The following ZNF735 variants were observed in gnomAD, a reference collection of about 807,000 sequenced individuals.
ZNF735 encodes the protein zinc finger protein 735, also known as putative zinc finger protein 735.
ZNF735 carries 11 observed loss-of-function variants against 13.4 expected under a neutral mutation model. That is an observed-to-expected ratio of 0.82 (90% CI 0.52 to 1.36). ZNF735 has a LOEUF of 1.36. Ranked by LOEUF, ZNF735 falls within the 40% of genes most tolerant of loss-of-function variation. ZNF735 has a pLI of 0.00. For synonymous variants in ZNF735, 171 were observed against 162.6 expected, an observed-to-expected ratio of 1.05 and a Z score of -0.39; for missense variants, 500 against 484.6, an observed-to-expected ratio of 1.03 and a Z score of -0.30.
At chr7:64,214,030 C>T (rs534858210) in exon 3 of ZNF735, 2 of 1,598,802 alleles carry the variant, frequency 1.3e-6, no homozygotes, top group East Asian at 2.2e-5. Flanking sequence ...TGTCTCTAAG[C>T]CAGACTTGAT....
At chr7:64,214,309 T>C (rs4718037) in intron 3 of ZNF735, among the ~76,000 whole-genome samples, 1 of 151,976 alleles carries the variant, frequency 6.6e-6, no homozygotes. Context: ...TTAAATTCTC[T>C]AAGGATTCTA....
At position 64,212,961 on chromosome 7, in the gene ZNF735, T is replaced by C; in HGVS notation, c.40-131T>C. The C allele has an allele frequency of 3.5e-5, 33 of 933,604 alleles. 1 individual carries two copies. In the South Asian group the frequency reaches 5.4e-4, roughly 15 times the overall value. 57.8% of individuals were successfully genotyped at this position (933,604 alleles called of 1,614,324 possible). A position where few individuals can be genotyped will look rare whatever the true frequency, so the allele number is the denominator to read the frequency against. Reference sequence around the variant, plus strand: ...CCATGTTAAAAATTATCTTACTGAGTAATTTCAGTCACTCTTGTAAGTGAG... The same window carrying C: ...CCATGTTAAAAATTATCTTACTGAGCAATTTCAGTCACTCTTGTAAGTGAG... On this transcript the variant is annotated intron_variant, in intron 1 of 3. Transcript: ENST00000429565.
chr7:64,208,443 G>A (rs1351321386), intron 1 of ZNF735, among the ~76,000 whole-genome samples: 3 of 151,748 alleles, frequency 2.0e-5, no homozygotes, highest in Non-Finnish European at 4.4e-5. Context: ...TTTTAGTAGA[G>A]ACGGGATTTC....
rs183804252 is a variant in ZNF735 at position 64,215,736 on chromosome 7, G to A, written c.262+1628G>A. Among the ~76,000 whole-genome samples, 391 of 151,094 alleles carry A rather than the reference G, an allele frequency of 2.6e-3. 1 individual carries two copies. Among genetic ancestry groups the A allele is most frequent in the Middle Eastern group, 0.014 (4 of 288 alleles). On this transcript the variant is annotated intron_variant, in intron 3 of 3. Transcript: ENST00000429565. ...AAGCATCCAACTTCATTTTTTCAATGTAGATATCCAGTTTTCAACATTATC... is the reference window on the plus strand; with the variant it reads ...AAGCATCCAACTTCATTTTTTCAATATAGATATCCAGTTTTCAACATTATC...
At chr7:64,211,128 A>G (rs1787355024) in intron 1 of ZNF735, among the ~76,000 whole-genome samples, 1 of 152,114 alleles carries the variant, frequency 6.6e-6, no homozygotes, top group South Asian at 2.1e-4. Context: ...AGGGGTTCTG[A>G]AAAAAATATT....
At chr7:64,219,097 A>G (rs776800076) in intron 3 of ZNF735, among the ~76,000 whole-genome samples, 1 of 152,190 alleles carries the variant, frequency 6.6e-6, no homozygotes, top group Non-Finnish European at 1.5e-5. Flanking sequence ...TTGTGGTCAC[A>G]TGGTGCACAC....
At chr7:64,218,896 A>G (rs962676668) in intron 3 of ZNF735, among the ~76,000 whole-genome samples, 117 of 152,176 alleles carry the variant, frequency 7.7e-4, no homozygotes, top group South Asian at 1.0e-3. Context: ...ATTTCTCCTT[A>G]CTGGTCAGTA....
At chr7:64,212,355 A>G (rs1165709200) in intron 1 of ZNF735, among the ~76,000 whole-genome samples, 1 of 152,196 alleles carries the variant, frequency 6.6e-6, no homozygotes, top group Non-Finnish European at 1.5e-5. Context: ...TTTATCCCAA[A>G]TCTCCTGAAA....
At chr7:64,207,425 GGA>G (rs1197537862) in intron 1 of ZNF735, among the ~76,000 whole-genome samples, 184 bp downstream of exon 1, 1 of 152,208 alleles carries the variant, frequency 6.6e-6, no homozygotes, top group Non-Finnish European at 1.5e-5. Context: ...CCAGCGGCTG[GGA>G]CCCTGGGAGT....
chr7:64,214,190 G>A, intron 3 of ZNF735, 82 bp downstream of exon 3: 1 of 1,370,300 alleles, frequency 7.3e-7, no homozygotes, highest in Non-Finnish European at 9.9e-7. Context: ...AATGTGGTCT[G>A]CAGAGCTGTG....
exon 4 of ZNF735, chr7:64,219,797 C>A: frequency 6.2e-7 from 1 of 1,612,216 alleles, no homozygotes. Context: ...TGTGGCAAAG[C>A]CTTTAGGTGG....
intron 1 of ZNF735, among the ~76,000 whole-genome samples, chr7:64,208,351 G>A (rs2116475313): frequency 7.3e-6 from 1 of 137,842 alleles, no homozygotes; most frequent in Non-Finnish European, 1.5e-5. Flanking sequence ...TCTGCCTCCT[G>A]GTTCAAATGA....
At position 64,213,134 on chromosome 7, in the gene ZNF735, G is replaced by T. The variant is rs1195093791; in HGVS notation, c.82G>T (p.Ala28Ser). ...AGACATAGCTATAGAATTCTCTCTG[G>T]CGGAGTGGCAATGCCTGGATCATGC... is the stretch of plus-strand genomic sequence containing the variant. Residue 28 changes from alanine to serine, a missense_variant, in exon 2 of 4, where the codon GCG (alanine) becomes TCG (serine). Ala to Ser is a moderately conservative substitution (Grantham distance 99). Coordinates refer to ENST00000429565, the Ensembl canonical transcript of ZNF735. 4.3e-6 allele frequency: 7 copies of T among 1,612,862 alleles called. No homozygotes were observed. The highest frequency in any genetic ancestry group is 4.5e-5 in the East Asian group (2 of 44,848).
intron 1 of ZNF735, among the ~76,000 whole-genome samples, chr7:64,210,825 C>G (rs1281233934): frequency 6.6e-6 from 1 of 151,894 alleles, no homozygotes. Flanking sequence ...GTCTTTCTGC[C>G]CTTGGGTGTG....
At chr7:64,208,088 C>G (rs1787310929) in intron 1 of ZNF735, among the ~76,000 whole-genome samples, 1 of 151,900 alleles carries the variant, frequency 6.6e-6, no homozygotes, top group Non-Finnish European at 1.5e-5. Context: ...CATGATGAAG[C>G]AAACCAAATG....
chr7:64,207,620 C>G lies in ZNF735; in HGVS notation c.39+379C>G, dbSNP rs150634354. Reference sequence around the variant, plus strand: ...GCTGTGGTCCCTGGGGTCCCTAGTTCCTCATTTTTCCTTTTAGAGATGTGT... The same window carrying G: ...GCTGTGGTCCCTGGGGTCCCTAGTTGCTCATTTTTCCTTTTAGAGATGTGT... On this transcript the variant is annotated intron_variant, in intron 1 of 3. Coordinates refer to ENST00000429565, the Ensembl canonical transcript of ZNF735. Among the ~76,000 whole-genome samples the G allele has an allele frequency of 2.0e-3, 306 of 152,272 alleles. 1 individual carries two copies. The highest frequency in any genetic ancestry group is 6.9e-3 in the African/African-American group (288 of 41,546).
chr7:64,209,813 C>A (rs1787335591), intron 1 of ZNF735, among the ~76,000 whole-genome samples: 1 of 152,032 alleles, frequency 6.6e-6, no homozygotes, highest in African/African-American at 2.4e-5. Flanking sequence ...ACATTTTGTT[C>A]TTAACACTGC....
intron 1 of ZNF735, among the ~76,000 whole-genome samples, chr7:64,211,865 CA>C (rs1304676700): frequency 1.2e-4 from 13 of 104,224 alleles, no homozygotes; most frequent in Admixed American, 4.5e-4. Context: ...GACTCCATCT[CA>C]AAAAAAAAAG....
At chr7:64,216,231 G>T (rs181008027) in intron 3 of ZNF735, among the ~76,000 whole-genome samples, 1 of 151,664 alleles carries the variant, frequency 6.6e-6, no homozygotes, top group Non-Finnish European at 1.5e-5. Context: ...AGGAGGTGGC[G>T]CTTGCAGTGA....
Sources: allele counts gnomAD v4.1 joint callset (sites outside exome capture counted in the v4.1 genomes callset), GRCh38; gene constraint gnomAD v4.1.1; transcripts MANE v1.5; gene names NCBI Gene and HGNC (gene_info 2026-07-23, HGNC 2026-07-21).